The following CFAP74 variants were observed in gnomAD, a reference collection of about 807,000 sequenced individuals.
CFAP74 encodes the protein cilia and flagella associated protein 74.
A neutral mutation model predicts 188.9 loss-of-function variants in CFAP74; 124 were observed. The ratio of observed to expected loss-of-function variants is 0.66; its 90% CI spans 0.57 to 0.76. The LOEUF (loss-of-function observed/expected upper bound fraction) is 0.76, where lower values mean the gene tolerates loss of function less well. Ranked by LOEUF, CFAP74 falls within the 30% of genes least tolerant of loss-of-function variation. The pLI is 0.00. For synonymous variants in CFAP74, 956 were observed against 916.7 expected, an observed-to-expected ratio of 1.04 and a Z score of -0.77; for missense variants, 2,198 against 2,165.2, an observed-to-expected ratio of 1.02 and a Z score of -0.30.
At chr1:1,947,368 G>A (rs952980026) in intron 18 of CFAP74, among the ~76,000 whole-genome samples, 13 of 152,246 alleles carry the variant, frequency 8.5e-5, no homozygotes, top group Admixed American at 7.2e-4. Context: ...CTAAAACAGT[G>A]TCATCTTTTG....
chr1:1,965,368 G>A (rs949205524), intron 12 of CFAP74, among the ~76,000 whole-genome samples: 3 of 152,364 alleles, frequency 2.0e-5, no homozygotes, highest in Admixed American at 6.5e-5. Flanking sequence ...GGGAAATGAT[G>A]TGGAGGGGGA....
At chr1:1,944,592 C>T (rs1653622743) in intron 20 of CFAP74, 140 bp from the exon 21 acceptor site, 8 of 807,230 alleles carry the variant, frequency 9.9e-6, no homozygotes, top group African/African-American at 3.5e-5. Context: ...TGGCACTTTT[C>T]ATATCATATC....
chr1:1,944,527 G>A (rs1653618415), intron 20 of CFAP74, 75 bp from the exon 21 acceptor site: 3 of 1,465,532 alleles, frequency 2.0e-6, no homozygotes, highest in South Asian at 1.2e-5. Flanking sequence ...CACTGACACA[G>A]CTCCCAGGAG....
At chr1:1,979,681 C>T (rs74046266) in intron 6 of CFAP74, among the ~76,000 whole-genome samples, 2,054 of 126,090 alleles carry the variant, frequency 0.016, 216 homozygotes, top group African/African-American at 0.057. Context: ...GGGAAGGTGT[C>T]GCGTGACGAG....
At chr1:1,939,155 T>C (rs931104475) in intron 24 of CFAP74, among the ~76,000 whole-genome samples, 167 bp from the exon 25 acceptor site, 5 of 152,074 alleles carry the variant, frequency 3.3e-5, no homozygotes, top group Non-Finnish European at 7.3e-5. Context: ...TGTGTGAGTG[T>C]GAGCACATGT....
At chr1:1,991,775 C>G (rs578107980) in intron 1 of CFAP74, among the ~76,000 whole-genome samples, 253 of 152,152 alleles carry the variant, frequency 1.7e-3, no homozygotes, top group Admixed American at 2.9e-3. Context: ...CGTGGTGGCT[C>G]ACACCTGTAA....
intron 1 of CFAP74, among the ~76,000 whole-genome samples, chr1:2,002,864 T>C (rs1658274818): frequency 1.3e-5 from 2 of 150,820 alleles, no homozygotes; most frequent in African/African-American, 4.9e-5. Flanking sequence ...GAAAGTTAAC[T>C]ATATTGTTTA....
chr1:1,982,861 G>A (rs1024004433), intron 6 of CFAP74, among the ~76,000 whole-genome samples: 4 of 152,210 alleles, frequency 2.6e-5, no homozygotes, highest in African/African-American at 7.2e-5. Context: ...AGATGTGAAC[G>A]GGTGGTTTTC....
intron 18 of CFAP74, chr1:1,954,705 CCCGGGAGGTCGAGG>C: frequency 1.5e-6 from 1 of 668,978 alleles, no homozygotes; most frequent in South Asian, 4.8e-5. Context: ...ATTGCTTGAG[CCCGGGAGGTCGAGG>C]CTGCAGTGAG....
intron 5 of CFAP74, 31 bp downstream of exon 5, chr1:1,986,906 G>A (rs201810344): frequency 2.6e-5 from 41 of 1,578,438 alleles, no homozygotes; most frequent in African/African-American, 5.4e-5. Context: ...CCTCATGCCC[G>A]GTTCCCTGCC....
chr1:1,996,439 C>T (rs180752903), intron 1 of CFAP74, among the ~76,000 whole-genome samples: 1 of 152,316 alleles, frequency 6.6e-6, no homozygotes, highest in East Asian at 1.9e-4. Context: ...AGTGGGGACA[C>T]ATTCTAACCG....
At chr1:1,971,097 C>T (rs533020405) in intron 9 of CFAP74, among the ~76,000 whole-genome samples, 1 of 140,608 alleles carries the variant, frequency 7.1e-6, no homozygotes, top group Non-Finnish European at 1.5e-5. Flanking sequence ...ACATGCACAC[C>T]TGCACACGTG....
chr1:1,999,879 C>T (rs1219931963), intron 1 of CFAP74, among the ~76,000 whole-genome samples: 2 of 148,166 alleles, frequency 1.3e-5, no homozygotes, highest in Non-Finnish European at 3.0e-5. Flanking sequence ...TAAAGAAAAC[C>T]TACAGGCCGG....
intron 2 of CFAP74, among the ~76,000 whole-genome samples, chr1:1,989,678 C>G (rs2102107373): frequency 6.6e-6 from 1 of 152,316 alleles, no homozygotes; most frequent in Non-Finnish European, 1.5e-5. Flanking sequence ...CCAGGCTGGT[C>G]TTGGACTCCT....
chr1:1,964,755 A>T (rs965707291), intron 13 of CFAP74, 133 bp downstream of exon 13: 24 of 910,530 alleles, frequency 2.6e-5, no homozygotes, highest in Non-Finnish European at 2.8e-5. Flanking sequence ...ATGCCGTTGC[A>T]CTCCAGCCTG....
chr1:1,944,047 C>T (rs1415634764), intron 21 of CFAP74, among the ~76,000 whole-genome samples: 1 of 152,198 alleles, frequency 6.6e-6, no homozygotes, highest in African/African-American at 2.4e-5. Flanking sequence ...CTGGATCACC[C>T]CCCACCAAGG....
chr1:1,980,738 A>G (rs1484591399), intron 6 of CFAP74, among the ~76,000 whole-genome samples: 1 of 152,202 alleles, frequency 6.6e-6, no homozygotes, highest in East Asian at 1.9e-4. Flanking sequence ...GATGATTCCA[A>G]GGACCCTCGG....
chr1:1,930,376 C>A, intron 25 of CFAP74, 40 bp from the exon 26 acceptor site: 1 of 1,477,900 alleles, frequency 6.8e-7, no homozygotes. Flanking sequence ...CCGTGCAGGG[C>A]GTCCGTGTCC....
intron 1 of CFAP74, among the ~76,000 whole-genome samples, chr1:1,992,526 T>G (rs1296369823): frequency 1.3e-5 from 2 of 150,794 alleles, no homozygotes; most frequent in East Asian, 4.0e-4. Flanking sequence ...CAGGCTGGAG[T>G]GCAGTGGCGG....
Sources: allele counts gnomAD v4.1 joint callset (sites outside exome capture counted in the v4.1 genomes callset), GRCh38; gene constraint gnomAD v4.1.1; transcripts MANE v1.5; gene names NCBI Gene and HGNC (gene_info 2026-07-23, HGNC 2026-07-21).